Variants in TAFA1 observed in about 807,000 individuals in gnomAD.
The protein encoded by TAFA1 is chemokine-like protein TAFA-1.
TAFA1 carries 4 observed loss-of-function variants against 18.5 expected under a neutral mutation model. That is an observed-to-expected ratio of 0.22 (90% CI 0.11 to 0.49). TAFA1 has a LOEUF of 0.49. Ranked by LOEUF, TAFA1 falls within the 20% of genes least tolerant of loss-of-function variation. The probability of loss-of-function intolerance (pLI) is 0.98; values close to 1 mark genes in which losing one functional copy is unlikely to be tolerated. For missense variants in TAFA1, 147 were observed against 169.0 expected (o/e 0.87, Z 0.72); for synonymous variants, 56 against 55.2 (o/e 1.01, Z -0.06).
At position 68,517,927 on chromosome 3, in the gene TAFA1, A is replaced by AACACACAC. The variant is rs5849854; in HGVS notation, c.260-20816_260-20809dup. Among the ~76,000 whole-genome samples, 643 of 150,680 alleles carry AACACACAC rather than the reference A, an allele frequency of 4.3e-3. 2 individuals are homozygous for AACACACAC. Among genetic ancestry groups the AACACACAC allele is most frequent in the Non-Finnish European group, 6.9e-3 (464 of 67,622 alleles). ...CCTTATCTGCTCCCACTTGCTGATA[A>AACACACAC]ACACACACACACACACACACTCACA... On this transcript the variant is annotated intron_variant, in intron 3 of 4. Coordinates refer to ENST00000478136, the MANE Select transcript of TAFA1 (RefSeq NM_213609.4).
rs1381793089 is a variant in TAFA1, at chr3:68,387,772, C to G, written c.119-29508C>G. Among the ~76,000 whole-genome samples, 3 of 152,028 alleles carry G rather than the reference C, an allele frequency of 2.0e-5. No individual in the cohort carries two copies. The South Asian group carries it at 6.3e-4, about 32-fold the overall frequency. On this transcript the variant is annotated intron_variant, in intron 2 of 4. Transcript: ENST00000478136. ...GTACATGTAGGCTCTAACAGGGATA[C>G]AAAAAACTGTTTTTCCCCCTTCATG...
chr3:68,526,666 C>T (rs1318971423), intron 3 of TAFA1, among the ~76,000 whole-genome samples: 4 of 152,110 alleles, frequency 2.6e-5, no homozygotes, highest in Admixed American at 2.0e-4. Flanking sequence ...ATAGTACTCT[C>T]ATAATGTACT....
intron 3 of TAFA1, among the ~76,000 whole-genome samples, chr3:68,501,482 A>G (rs1207833219): frequency 6.6e-6 from 1 of 152,228 alleles, no homozygotes; most frequent in Admixed American, 6.5e-5. Flanking sequence ...TAAAATAATC[A>G]TACTTATAAA....
intron 2 of TAFA1, among the ~76,000 whole-genome samples, chr3:68,178,715 T>A (rs1673786515): frequency 6.6e-6 from 1 of 152,218 alleles, no homozygotes; most frequent in African/African-American, 2.4e-5. Flanking sequence ...GAAGGTAAGG[T>A]AGAATAATGA....
chr3:68,005,428 C>A (rs551316491), intron 1 of TAFA1, among the ~76,000 whole-genome samples: 6 of 152,278 alleles, frequency 3.9e-5, no homozygotes, highest in African/African-American at 1.4e-4. Context: ...TCCTAAAATC[C>A]TTCCAAGACT....
At chr3:68,268,050 G>A (rs1314551463) in intron 2 of TAFA1, among the ~76,000 whole-genome samples, 3 of 152,128 alleles carry the variant, frequency 2.0e-5, no homozygotes, top group African/African-American at 7.2e-5. Context: ...TGTTCTTTGT[G>A]TTGAAAAATT....
rs181043819 is a variant in TAFA1, at chr3:68,362,048, A to G, written c.119-55232A>G. 2.6e-3 allele frequency among the ~76,000 whole-genome samples: 401 copies of G among 152,248 alleles called. 4 individuals are homozygous for G. The highest frequency in any genetic ancestry group is 9.2e-3 in the African/African-American group (384 of 41,570). ...CTAGTAGAGGGAGAAAATGTCTTTT[A>G]CTTCTTTCTTTCAATGGAGAATCAA... On this transcript the variant is annotated intron_variant, in intron 2 of 4. Transcript: ENST00000478136.
intron 3 of TAFA1, among the ~76,000 whole-genome samples, chr3:68,501,558 C>T (rs2072659814): frequency 6.6e-6 from 1 of 152,000 alleles, no homozygotes; most frequent in African/African-American, 2.4e-5. Flanking sequence ...GTTTGTTTAC[C>T]AAATATTTAA....
intron 2 of TAFA1, among the ~76,000 whole-genome samples, chr3:68,058,414 G>C (rs1348417764): frequency 6.6e-6 from 1 of 152,120 alleles, no homozygotes; most frequent in Non-Finnish European, 1.5e-5. Context: ...GATGATCTCA[G>C]TTTATAAGGT....
At chr3:68,005,627 A>T (rs1170476832) in intron 1 of TAFA1, among the ~76,000 whole-genome samples, 1 of 152,230 alleles carries the variant, frequency 6.6e-6, no homozygotes, top group Non-Finnish European at 1.5e-5. Flanking sequence ...TGACAGTGAA[A>T]AGGAAAAGAA....
chr3:68,119,119 T>C (rs1448849058), intron 2 of TAFA1, among the ~76,000 whole-genome samples: 1 of 151,964 alleles, frequency 6.6e-6, no homozygotes, highest in Non-Finnish European at 1.5e-5. Flanking sequence ...TGCATTTCCA[T>C]AATGATTACT....
chr3:68,172,113 G>A (rs1381136536), intron 2 of TAFA1, among the ~76,000 whole-genome samples: 2 of 152,074 alleles, frequency 1.3e-5, no homozygotes, highest in African/African-American at 2.4e-5. Context: ...GCAGTTCAAC[G>A]AATTCCAACT....
At chr3:68,136,858 G>A (rs1399651604) in intron 2 of TAFA1, among the ~76,000 whole-genome samples, 3 of 152,108 alleles carry the variant, frequency 2.0e-5, no homozygotes, top group Non-Finnish European at 4.4e-5. Flanking sequence ...AATCTGTATT[G>A]CAGTTGATAC....
intron 2 of TAFA1, among the ~76,000 whole-genome samples, chr3:68,410,441 G>A (rs1241503897): frequency 6.6e-6 from 1 of 152,056 alleles, no homozygotes; most frequent in Non-Finnish European, 1.5e-5. Flanking sequence ...TTACTTCCTA[G>A]TTGGAAAGAA....
intron 2 of TAFA1, among the ~76,000 whole-genome samples, chr3:68,173,096 A>G (rs751686688): frequency 1.9e-4 from 29 of 152,088 alleles, no homozygotes; most frequent in Middle Eastern, 3.2e-3. Context: ...CAGTACAAAA[A>G]AGTATCCCAT....
At chr3:68,248,540 G>T (rs1286210391) in intron 2 of TAFA1, among the ~76,000 whole-genome samples, 1 of 151,972 alleles carries the variant, frequency 6.6e-6, no homozygotes, top group Non-Finnish European at 1.5e-5. Flanking sequence ...GACCTGATTG[G>T]TTGGAAGACA....
chr3:68,519,502 A>T (rs2072983180), intron 3 of TAFA1, among the ~76,000 whole-genome samples: 3 of 152,232 alleles, frequency 2.0e-5, no homozygotes, highest in Non-Finnish European at 1.5e-5. Context: ...GCCTAGTATG[A>T]TGCATTTCAT....
rs114101191 is a variant in TAFA1, at chr3:68,398,840, A to G, written c.119-18440A>G. On this transcript the variant is annotated intron_variant, in intron 2 of 4. Transcript: ENST00000478136. ...CAAAGAAGAATGTTCATTTTCTTGC[A>G]GACTTCTCACTGCAGAGTCACTCAT... Among the ~76,000 whole-genome samples the G allele has an allele frequency of 4.9e-3, 746 of 152,316 alleles. 4 individuals carry two copies. The highest frequency in any genetic ancestry group is 0.017 in the African/African-American group (708 of 41,588).
At chr3:68,002,988 A>G (rs563750643), upstream of TAFA1, among the ~76,000 whole-genome samples, 7 of 152,354 alleles carry the variant, frequency 4.6e-5, no homozygotes, top group South Asian at 1.2e-3. Context: ...GATGCTGTAC[A>G]GTCAGTGTAA....
Sources: allele counts gnomAD v4.1 joint callset (sites outside exome capture counted in the v4.1 genomes callset), GRCh38; gene constraint gnomAD v4.1.1; transcripts MANE v1.5; gene names NCBI Gene and HGNC (gene_info 2026-07-23, HGNC 2026-07-21).